GRIK4: variants seen among roughly 807,000 people sequenced by gnomAD.
The protein encoded by GRIK4 is glutamate receptor ionotropic, kainate 4.
In GRIK4, 40 loss-of-function variants were observed where a neutral mutation model predicts 104.9. That is an observed-to-expected ratio of 0.38 (90% CI 0.30 to 0.50). The LOEUF is 0.50. GRIK4 is among the 20% of genes least tolerant of loss of function. GRIK4 has a pLI of 0.93. For missense variants in GRIK4, 1,047 were observed against 1,308.1 expected (o/e 0.80, Z 3.08); for synonymous variants, 485 against 524.9 (o/e 0.92, Z 1.04).
intron 3 of GRIK4, among the ~76,000 whole-genome samples, chr11:120,675,222 G>A (rs996414386): frequency 6.6e-6 from 1 of 152,216 alleles, no homozygotes; most frequent in Non-Finnish European, 1.5e-5. Context: ...ATCTCCCAAA[G>A]AGCACGGTGG....
intron 1 of GRIK4, among the ~76,000 whole-genome samples, chr11:120,518,623 A>T (rs1036648494): frequency 2.0e-5 from 3 of 152,086 alleles, no homozygotes; most frequent in East Asian, 1.9e-4. Context: ...GTGTCTTTTT[A>T]AAATTTTTTA....
intron 11 of GRIK4, among the ~76,000 whole-genome samples, chr11:120,890,933 G>C (rs1955270700): frequency 6.6e-6 from 1 of 152,212 alleles, no homozygotes; most frequent in South Asian, 2.1e-4. Flanking sequence ...TGAGTGCAAA[G>C]AACAATCATC....
intron 12 of GRIK4, among the ~76,000 whole-genome samples, chr11:120,904,176 A>C (rs1301208084): frequency 6.6e-6 from 1 of 152,056 alleles, no homozygotes; most frequent in Non-Finnish European, 1.5e-5. Flanking sequence ...GTACATGTGC[A>C]ATCTCTGGCC....
intron 3 of GRIK4, among the ~76,000 whole-genome samples, chr11:120,729,085 T>C (rs998813997): frequency 3.9e-5 from 6 of 152,200 alleles, no homozygotes; most frequent in Non-Finnish European, 7.3e-5. Context: ...TTGTTGCAAA[T>C]AATATTATCT....
chr11:120,623,938 C>T (rs1949221473), intron 1 of GRIK4, among the ~76,000 whole-genome samples: 1 of 151,550 alleles, frequency 6.6e-6, no homozygotes, highest in Non-Finnish European at 1.5e-5. Flanking sequence ...TCCTCCTCCT[C>T]CTCTTCCCCC....
At chr11:120,649,185 A>G (rs1205962137) in intron 1 of GRIK4, among the ~76,000 whole-genome samples, 1 of 152,126 alleles carries the variant, frequency 6.6e-6, no homozygotes, top group Non-Finnish European at 1.5e-5. Context: ...GGACCTATCT[A>G]GCTCTGCTGC....
chr11:120,897,892 A>G (rs1942630038), intron 11 of GRIK4, among the ~76,000 whole-genome samples: 1 of 151,998 alleles, frequency 6.6e-6, no homozygotes, highest in East Asian at 1.9e-4. Context: ...TGGATAAATA[A>G]TGGAACACCC....
At chr11:120,811,918 C>CT (rs1398042844) in intron 4 of GRIK4, among the ~76,000 whole-genome samples, 1 of 152,168 alleles carries the variant, frequency 6.6e-6, no homozygotes, top group Non-Finnish European at 1.5e-5. Context: ...CCACGTAACT[C>CT]TGAGTCAGGC....
chr11:120,987,040 T>C lies in GRIK4; in HGVS notation c.*780T>C, dbSNP rs1210496721. On this transcript the variant is annotated 3_prime_UTR_variant, in exon 21 of 21. Coordinates refer to ENST00000527524, the MANE Select transcript of GRIK4 (RefSeq NM_014619.5). ...GCCAAAAAGCAATTAACTCATCCTA[T>C]ACTCAGACCTTGAAACGCCTGGAAT... 1.3e-5 allele frequency: 2 copies of C among 152,236 alleles called. No homozygotes were observed. The highest frequency in any genetic ancestry group is 2.9e-5 in the Non-Finnish European group (2 of 68,052). The allele number at this position is 152,236 out of a possible 1,614,324, so 9.4% of individuals were successfully genotyped here.
chr11:120,844,012 G>T (rs1298289127), intron 8 of GRIK4, among the ~76,000 whole-genome samples: 1 of 152,178 alleles, frequency 6.6e-6, no homozygotes, highest in African/African-American at 2.4e-5. Context: ...GATATATGCA[G>T]CCAATTTTCC....
chr11:120,681,336 C>T (rs1240441113), intron 3 of GRIK4, among the ~76,000 whole-genome samples: 4 of 152,132 alleles, frequency 2.6e-5, no homozygotes, highest in African/African-American at 9.7e-5. Context: ...CACATCAGCT[C>T]TCCAAGCCTC....
rs545412569 is a variant in GRIK4 at position 120,899,259 on chromosome 11, A to C, written c.1272+620A>C. Among the ~76,000 whole-genome samples, 3 of 152,130 alleles carry C rather than the reference A, an allele frequency of 2.0e-5. No individual in the cohort carries two copies. The East Asian group carries it at 5.8e-4, about 29-fold the overall frequency. Reference sequence around the variant, plus strand: ...CGGCGAAACCCTGTCTCTACTAAAAAAAAATAGAAAAATTAGCTGGGCACG... The same window carrying C: ...CGGCGAAACCCTGTCTCTACTAAAACAAAATAGAAAAATTAGCTGGGCACG... On this transcript the variant is annotated intron_variant, in intron 12 of 20. Transcript: ENST00000527524.
chr11:120,916,198 G>A (rs986852586), intron 13 of GRIK4, among the ~76,000 whole-genome samples: 15 of 152,188 alleles, frequency 9.9e-5, no homozygotes, highest in African/African-American at 3.4e-4. Context: ...TCGTTTTTCA[G>A]ACTAAGAAAA....
chr11:120,774,340 TTG>T (rs1462209688), intron 3 of GRIK4, among the ~76,000 whole-genome samples: 3 of 151,986 alleles, frequency 2.0e-5, no homozygotes, highest in Admixed American at 2.0e-4. Context: ...GTGTGTGTAT[TTG>T]TGTGTGTGGA....
chr11:120,629,262 AT>A (rs1336379848), intron 1 of GRIK4, among the ~76,000 whole-genome samples: 1 of 152,172 alleles, frequency 6.6e-6, no homozygotes, highest in Non-Finnish European at 1.5e-5. Flanking sequence ...TGAAATATCC[AT>A]GTGGCCTTGA....
intron 8 of GRIK4, among the ~76,000 whole-genome samples, chr11:120,837,681 CTTT>C (rs67824241): frequency 4.1e-5 from 6 of 145,986 alleles, no homozygotes; most frequent in Admixed American, 6.8e-5. Flanking sequence ...AACTTGTTTC[CTTT>C]TTTTTTTTTT....
chr11:120,820,724 A>G (rs1841892116), intron 6 of GRIK4, among the ~76,000 whole-genome samples: 1 of 152,132 alleles, frequency 6.6e-6, no homozygotes, highest in African/African-American at 2.4e-5. Flanking sequence ...CTGCAGAGCG[A>G]TTCCATCTTT....
intron 3 of GRIK4, among the ~76,000 whole-genome samples, chr11:120,791,558 G>C (rs918511778): frequency 6.6e-6 from 1 of 152,056 alleles, no homozygotes; most frequent in African/African-American, 2.4e-5. Flanking sequence ...CCCACCTATG[G>C]CTTGTCTTTC....
intron 1 of GRIK4, among the ~76,000 whole-genome samples, chr11:120,567,857 A>C (rs934153261): frequency 6.6e-6 from 1 of 152,170 alleles, no homozygotes; most frequent in African/African-American, 2.4e-5. Flanking sequence ...CAGACCAAAA[A>C]CATCCCATAA....
Sources: allele counts gnomAD v4.1 joint callset (sites outside exome capture counted in the v4.1 genomes callset), GRCh38; gene constraint gnomAD v4.1.1; transcripts MANE v1.5; gene names NCBI Gene and HGNC (gene_info 2026-07-23, HGNC 2026-07-21).